FBXO34: variants seen among roughly 807,000 people sequenced by gnomAD.
FBXO34 encodes F-box protein 34, also known as F-box only protein 34.
FBXO34 carries 12 observed loss-of-function variants against 24.5 expected under a neutral mutation model. The ratio of observed to expected loss-of-function variants is 0.49; its 90% confidence interval spans 0.31 to 0.79. The LOEUF (loss-of-function observed/expected upper bound fraction) is 0.79. FBXO34 is among the 30% of genes least tolerant of loss of function. FBXO34 has a pLI of 0.04. For synonymous variants in FBXO34, 320 were observed against 311.9 expected (o/e 1.03, Z -0.27); for missense variants, 823 against 857.7 (o/e 0.96, Z 0.51).
At chr14:55,371,014 C>T (rs1036993821), downstream of FBXO34, among the ~76,000 whole-genome samples, 3 of 152,156 alleles carry the variant, frequency 2.0e-5, no homozygotes, top group Admixed American at 1.3e-4. Context: ...GGCTGCATGT[C>T]CTCCCTGTAG....
At chr14:55,398,971 G>A in the FBXO34 span, among the ~76,000 whole-genome samples, 1 of 152,158 alleles carries the variant, frequency 6.6e-6, no homozygotes. Context: ...ATGATGTGGT[G>A]TTCAAGAATA....
At chr14:55,411,425 C>A in the FBXO34 span, among the ~76,000 whole-genome samples, 1 of 152,198 alleles carries the variant, frequency 6.6e-6, no homozygotes, top group African/African-American at 2.4e-5. Context: ...TCATCTGGCC[C>A]CTACGCTGTC....
intron 1 of FBXO34, among the ~76,000 whole-genome samples, chr14:55,286,622 T>G (rs1255566655): frequency 6.6e-6 from 1 of 152,166 alleles, no homozygotes; most frequent in African/African-American, 2.4e-5. Flanking sequence ...CAGGAGCATT[T>G]ACTCTGATAG....
the FBXO34 span, chr14:55,381,999 G>A: frequency 5.0e-6 from 8 of 1,614,224 alleles, no homozygotes; most frequent in Non-Finnish European, 5.9e-6. Flanking sequence ...CCACCCAGCT[G>A]TAGTAGGCAG....
At chr14:55,370,885 C>CCCA (rs968308679), downstream of FBXO34, among the ~76,000 whole-genome samples, 2 of 152,146 alleles carry the variant, frequency 1.3e-5, no homozygotes, top group African/African-American at 2.4e-5. Flanking sequence ...AAGTGATCCA[C>CCCA]CCACCCCTGC....
At chr14:55,382,222 A>G in the FBXO34 span, 1 of 1,606,090 alleles carries the variant, frequency 6.2e-7, no homozygotes, top group Non-Finnish European at 8.5e-7. Context: ...ACGGATTTTC[A>G]AGAGAGAGGG....
the FBXO34 span, chr14:55,394,985 T>C: frequency 2.3e-6 from 1 of 443,034 alleles, no homozygotes; most frequent in Non-Finnish European, 4.5e-6. Context: ...GGGGCTCTCC[T>C]CAGTTTTAGT....
At chr14:55,379,383 C>CA in the FBXO34 span, among the ~76,000 whole-genome samples, 12 of 150,090 alleles carry the variant, frequency 8.0e-5, no homozygotes, top group Admixed American at 2.0e-4. Flanking sequence ...CAAAAAAATA[C>CA]AAAAAAAAAT....
At chr14:55,400,694 G>A in the FBXO34 span, among the ~76,000 whole-genome samples, 1 of 152,130 alleles carries the variant, frequency 6.6e-6, no homozygotes, top group South Asian at 2.1e-4. Flanking sequence ...CCTGAGGTCA[G>A]GAGTTCGAGA....
chr14:55,365,058 T>TAAA (rs563260970), downstream of FBXO34, among the ~76,000 whole-genome samples: 1 of 124,462 alleles, frequency 8.0e-6, no homozygotes, highest in Admixed American at 8.3e-5. Context: ...ATCTCTACTT[T>TAAA]AAAAAAAAAA....
chr14:55,345,048 A>G, intron 1 of FBXO34, among the ~76,000 whole-genome samples: 2 of 152,094 alleles, frequency 1.3e-5, no homozygotes, highest in Non-Finnish European at 2.9e-5. Context: ...TGTAATCCCA[A>G]TACTTTGGGA....
At chr14:55,427,727 A>T in the FBXO34 span, among the ~76,000 whole-genome samples, 2 of 151,980 alleles carry the variant, frequency 1.3e-5, no homozygotes, top group African/African-American at 4.8e-5. Context: ...GCGGGGGAGG[A>T]GCACTAGCTG....
chr14:55,316,895 A>G (rs1882949536), intron 1 of FBXO34, among the ~76,000 whole-genome samples: 1 of 152,098 alleles, frequency 6.6e-6, no homozygotes, highest in Non-Finnish European at 1.5e-5. Context: ...TCTATCTTTT[A>G]TGCTAGAGAT....
chr14:55,375,550 C>G, the FBXO34 span, among the ~76,000 whole-genome samples: 1 of 138,756 alleles, frequency 7.2e-6, no homozygotes, highest in Admixed American at 7.7e-5. Flanking sequence ...CACTATGTTG[C>G]CCAGGCTGGT....
exon 3 of FBXO34, chr14:55,368,057 A>T (rs878892018): frequency 6.6e-6 from 1 of 152,598 alleles, no homozygotes; most frequent in South Asian, 2.1e-4. Flanking sequence ...GGACTCTTTC[A>T]TAGGATTTCT....
intron 1 of FBXO34, among the ~76,000 whole-genome samples, chr14:55,336,982 T>A (rs1314415119): frequency 4.1e-4 from 23 of 56,226 alleles, no homozygotes; most frequent in South Asian, 2.4e-3. Flanking sequence ...TTATTTTATT[T>A]TTTTTTTTTT....
intron 1 of FBXO34, among the ~76,000 whole-genome samples, chr14:55,342,497 T>C (rs1884024737): frequency 6.6e-6 from 1 of 152,176 alleles, no homozygotes; most frequent in African/African-American, 2.4e-5. Context: ...GAAAGTTAAT[T>C]TGAGAAATAC....
chr14:55,351,012 A>G lies in FBXO34; in HGVS notation c.622A>G (p.Ile208Val), dbSNP rs372775034. The G allele has an allele frequency of 1.9e-6, 3 of 1,614,054 alleles. No homozygotes were observed. The African/African-American group carries it at 4.0e-5, about 22-fold the overall frequency. Residue 208 changes from isoleucine to valine, a missense_variant, in exon 2 of 2, where the codon ATA becomes GTA. Ile to Val is a conservative substitution (Grantham distance 29). Transcript: ENST00000313833. ...CTATGCTGGGAGGCCTCTGTCAGTT[A>G]TACAGATGGTTGCCTTCTTGGAGCA... ...GVYAGRPLSV[I>V]QMVAFLEQRA...
chr14:55,277,966 T>C (rs772348256), intron 1 of FBXO34, among the ~76,000 whole-genome samples: 2 of 152,192 alleles, frequency 1.3e-5, no homozygotes, highest in African/African-American at 2.4e-5. Flanking sequence ...CAGATTAGTC[T>C]GAACTTCTAG....
Sources: gnomAD v4.1 joint callset for allele counts (sites outside exome capture counted in the v4.1 genomes callset) on GRCh38, gnomAD v4.1.1 for gene constraint, MANE v1.5 for transcripts, NCBI Gene and HGNC (gene_info 2026-07-23, HGNC 2026-07-21) for gene names.